Variants in PCSK2 observed in about 807,000 individuals in gnomAD.
PCSK2 encodes the protein neuroendocrine convertase 2.
In PCSK2, 14 loss-of-function variants were observed where a neutral mutation model predicts 69.7. That is an observed-to-expected ratio of 0.20 (90% CI 0.13 to 0.31). The LOEUF is 0.31. Ranked by LOEUF, PCSK2 falls within the 10% of genes least tolerant of loss-of-function variation. The pLI is 1.00. For missense variants in PCSK2, 544 were observed against 842.5 expected (o/e 0.65, Z 4.39); for synonymous variants, 307 against 320.7 (o/e 0.96, Z 0.46).
At chr20:17,274,167 T>G (rs1443736228) in intron 2 of PCSK2, among the ~76,000 whole-genome samples, 1 of 152,182 alleles carries the variant, frequency 6.6e-6, no homozygotes, top group Non-Finnish European at 1.5e-5. Context: ...TATTCTATTA[T>G]TCTGGGTGAT....
intron 6 of PCSK2, among the ~76,000 whole-genome samples, chr20:17,420,926 A>G (rs574254439): frequency 5.3e-4 from 80 of 152,316 alleles, no homozygotes; most frequent in Admixed American, 3.3e-3. Context: ...CCGACAACCA[A>G]TAGAGTTGTG....
intron 2 of PCSK2, 26 bp from the exon 3 acceptor site, chr20:17,358,301 G>A: frequency 1.6e-6 from 2 of 1,227,934 alleles, no homozygotes; most frequent in South Asian, 2.4e-5. Context: ...TTATATTCAG[G>A]TAATATGTCA....
intron 4 of PCSK2, among the ~76,000 whole-genome samples, chr20:17,366,461 G>A (rs927845193): frequency 7.2e-5 from 11 of 152,078 alleles, no homozygotes; most frequent in African/African-American, 9.7e-5. Context: ...AATCACCTGC[G>A]GTTTTCCAGG....
rs555002897 is a variant in PCSK2, at chr20:17,277,057, T to C, written c.282+16713T>C. ...AGGAGAACTACAAACCACTGCTCAATGAAATAAAAGAGGATACAAACAAAT... is the reference window on the plus strand; with the variant it reads ...AGGAGAACTACAAACCACTGCTCAACGAAATAAAAGAGGATACAAACAAAT... On this transcript the variant is annotated intron_variant, in intron 2 of 11. Coordinates refer to ENST00000262545, the MANE Select transcript of PCSK2 (RefSeq NM_002594.5). Among the ~76,000 whole-genome samples, 7 of 151,894 alleles carry C rather than the reference T, an allele frequency of 4.6e-5. No homozygotes were observed. In the East Asian group the frequency reaches 1.4e-3, roughly 29 times the overall value.
intron 8 of PCSK2, among the ~76,000 whole-genome samples, chr20:17,442,208 T>G (rs1258799199): frequency 1.3e-5 from 2 of 151,758 alleles, no homozygotes; most frequent in East Asian, 3.9e-4. Context: ...GGAATGGAAT[T>G]GAATCTATTA....
chr20:17,445,915 G>C (rs1181264941), intron 8 of PCSK2, among the ~76,000 whole-genome samples: 1 of 152,190 alleles, frequency 6.6e-6, no homozygotes, highest in Admixed American at 6.5e-5. Context: ...GTGGGTTTCG[G>C]GTGATCCTTG....
intron 2 of PCSK2, among the ~76,000 whole-genome samples, chr20:17,325,973 CCT>C (rs1291100188): frequency 3.3e-5 from 5 of 152,266 alleles, no homozygotes; most frequent in African/African-American, 1.2e-4. Context: ...CAGGCATATT[CCT>C]CTCGCTGCAA....
chr20:17,305,378 G>A (rs927448510), intron 2 of PCSK2, among the ~76,000 whole-genome samples: 2 of 152,088 alleles, frequency 1.3e-5, no homozygotes, highest in Non-Finnish European at 2.9e-5. Flanking sequence ...GCACATGTTG[G>A]GAAATGTTCT....
At chr20:17,433,058 A>G (rs747618937) in intron 7 of PCSK2, among the ~76,000 whole-genome samples, 1 of 152,240 alleles carries the variant, frequency 6.6e-6, no homozygotes, top group Non-Finnish European at 1.5e-5. Context: ...AGAGGGGGCC[A>G]GGCCAGGTGG....
intron 2 of PCSK2, among the ~76,000 whole-genome samples, chr20:17,290,849 T>TCTTGGTG (rs1988671385): frequency 2.6e-5 from 4 of 152,128 alleles, no homozygotes; most frequent in Non-Finnish European, 4.4e-5. Flanking sequence ...CTTCTTGTGT[T>TCTTGGTG]AACCCATGGT....
chr20:17,370,338 C>T (rs11698166), intron 5 of PCSK2, among the ~76,000 whole-genome samples: 22,973 of 152,094 alleles, frequency 0.15, 1,953 homozygotes, highest in Middle Eastern at 0.29. Context: ...AGTGTCTCTA[C>T]GTTGCACAAA....
intron 2 of PCSK2, among the ~76,000 whole-genome samples, chr20:17,343,775 C>T (rs945735809): frequency 1.3e-5 from 2 of 152,120 alleles, no homozygotes; most frequent in Admixed American, 1.3e-4. Context: ...TCCACTGTTG[C>T]GCCGTTAATG....
At chr20:17,303,399 ATG>A (rs1989160753) in intron 2 of PCSK2, among the ~76,000 whole-genome samples, 1 of 112,810 alleles carries the variant, frequency 8.9e-6, no homozygotes, top group Non-Finnish European at 1.8e-5. Context: ...TATATAATAT[ATG>A]TAATATATAT....
At chr20:17,430,878 C>G (rs1022399235) in intron 7 of PCSK2, among the ~76,000 whole-genome samples, 1 of 152,212 alleles carries the variant, frequency 6.6e-6, no homozygotes, top group African/African-American at 2.4e-5. Context: ...AAATGACCAC[C>G]TGCAAAAGTT....
At chr20:17,425,616 T>G (rs1023773275) in intron 6 of PCSK2, among the ~76,000 whole-genome samples, 3 of 152,212 alleles carry the variant, frequency 2.0e-5, no homozygotes, top group African/African-American at 7.2e-5. Context: ...CTAGTAGCTG[T>G]AACAAATAAA....
chr20:17,250,291 G>A (rs569382360), intron 1 of PCSK2, among the ~76,000 whole-genome samples: 29 of 152,114 alleles, frequency 1.9e-4, no homozygotes, highest in African/African-American at 6.7e-4. Context: ...GCTCTTTTTT[G>A]TCGTTTATGA....
At chr20:17,479,040 G>A (rs1215745842) in intron 11 of PCSK2, 9 of 1,081,084 alleles carry the variant, frequency 8.3e-6, no homozygotes, top group Non-Finnish European at 1.1e-5. Context: ...AGGATACACT[G>A]ACAAATTCTT....
chr20:17,471,486 A>G (rs982442942), intron 11 of PCSK2, among the ~76,000 whole-genome samples: 4 of 152,220 alleles, frequency 2.6e-5, no homozygotes, highest in African/African-American at 9.6e-5. Context: ...TGCTGGGCAT[A>G]TAGTAGACAG....
chr20:17,449,522 G>GTA (rs1454257085), intron 8 of PCSK2, among the ~76,000 whole-genome samples: 7 of 72,278 alleles, frequency 9.7e-5, no homozygotes, highest in Non-Finnish European at 1.7e-4. Flanking sequence ...ATATATGTAT[G>GTA]TATGTATATA....
Sources: gnomAD v4.1 joint callset for allele counts (sites outside exome capture counted in the v4.1 genomes callset) on GRCh38, gnomAD v4.1.1 for gene constraint, MANE v1.5 for transcripts, NCBI Gene and HGNC (gene_info 2026-07-23, HGNC 2026-07-21) for gene names.